LRRTM4: variants seen among roughly 807,000 people sequenced by gnomAD.
LRRTM4 encodes leucine-rich repeat transmembrane neuronal protein 4.
In LRRTM4, 25 loss-of-function variants were observed where a neutral mutation model predicts 47.6. The ratio of observed to expected loss-of-function variants is 0.53; its 90% CI spans 0.38 to 0.73. The LOEUF is 0.73. Among genes scored for constraint, LRRTM4 ranks in the 30% least tolerant of loss-of-function variants. The probability of loss-of-function intolerance (pLI) is 0.00; values close to 1 mark genes in which losing one functional copy is unlikely to be tolerated. For synonymous variants in LRRTM4, 311 were observed against 269.5 expected (o/e 1.15, Z -1.51); for missense variants, 638 against 713.4 (o/e 0.89, Z 1.20).
intron 3 of LRRTM4, among the ~76,000 whole-genome samples, chr2:77,506,091 A>G (rs1050634468): frequency 6.6e-6 from 1 of 151,676 alleles, no homozygotes; most frequent in African/African-American, 2.4e-5. Flanking sequence ...GTAAACTATA[A>G]TAGTGTTTGA....
chr2:77,003,548 T>C (rs976596033), intron 3 of LRRTM4, among the ~76,000 whole-genome samples: 1 of 152,198 alleles, frequency 6.6e-6, no homozygotes, highest in African/African-American at 2.4e-5. Flanking sequence ...CCTGCCGCCA[T>C]GTAAGATGTG....
chr2:76,886,373 A>G (rs1295882518), intron 3 of LRRTM4, among the ~76,000 whole-genome samples: 1 of 152,074 alleles, frequency 6.6e-6, no homozygotes, highest in East Asian at 1.9e-4. Context: ...TGGTGCATAA[A>G]TTTTCTTAAA....
intron 3 of LRRTM4, among the ~76,000 whole-genome samples, chr2:77,395,383 G>A (rs1397538072): frequency 1.3e-5 from 2 of 151,958 alleles, no homozygotes; most frequent in Middle Eastern, 3.2e-3. Flanking sequence ...AATGAGGTAG[G>A]TATTAATGTA....
chr2:77,355,697 C>A (rs1558703936), intron 3 of LRRTM4, among the ~76,000 whole-genome samples: 1 of 152,154 alleles, frequency 6.6e-6, no homozygotes, highest in Non-Finnish European at 1.5e-5. Flanking sequence ...GATAAATAGT[C>A]CATCAAGTGA....
At chr2:77,067,828 G>C (rs911118985) in intron 3 of LRRTM4, among the ~76,000 whole-genome samples, 2 of 151,696 alleles carry the variant, frequency 1.3e-5, no homozygotes, top group Non-Finnish European at 2.9e-5. Flanking sequence ...TCTCTTAGTG[G>C]ATGTAGTCAA....
chr2:76,901,640 G>T (rs971614153), intron 3 of LRRTM4, among the ~76,000 whole-genome samples: 2 of 152,108 alleles, frequency 1.3e-5, no homozygotes, highest in African/African-American at 4.8e-5. Context: ...TCTAGAGAAA[G>T]ATATAAAAGC....
At chr2:77,104,588 A>G (rs999985113) in intron 3 of LRRTM4, among the ~76,000 whole-genome samples, 2 of 152,200 alleles carry the variant, frequency 1.3e-5, no homozygotes, top group African/African-American at 4.8e-5. Flanking sequence ...TGGTGAAAAA[A>G]TACTAAGTGC....
intron 3 of LRRTM4, among the ~76,000 whole-genome samples, chr2:77,212,633 T>C (rs925915927): frequency 6.6e-6 from 1 of 151,644 alleles, no homozygotes; most frequent in Non-Finnish European, 1.5e-5. Flanking sequence ...TTAGATGAAC[T>C]GTCTTACACC....
chr2:77,400,927 C>T (rs7572965), intron 3 of LRRTM4, among the ~76,000 whole-genome samples: 7,972 of 151,942 alleles, frequency 0.052, 315 homozygotes, highest in African/African-American at 0.1. Context: ...TATTTCCTGA[C>T]ATGTGAAAAT....
chr2:77,376,924 A>ATT (rs1672862668), intron 3 of LRRTM4, among the ~76,000 whole-genome samples: 1 of 151,920 alleles, frequency 6.6e-6, no homozygotes, highest in African/African-American at 2.4e-5. Context: ...TAACTACAAG[A>ATT]ACTATTTGTA....
chr2:77,238,995 C>A (rs1053080746), intron 3 of LRRTM4, among the ~76,000 whole-genome samples: 1 of 151,548 alleles, frequency 6.6e-6, no homozygotes, highest in Admixed American at 6.6e-5. Context: ...CTACAAGGTA[C>A]CCACAATTTT....
At chr2:77,331,098 A>G (rs912455523) in intron 3 of LRRTM4, among the ~76,000 whole-genome samples, 1 of 152,192 alleles carries the variant, frequency 6.6e-6, no homozygotes, top group African/African-American at 2.4e-5. Flanking sequence ...GGATCTAGAG[A>G]TGCAAAGAAA....
chr2:77,044,632 T>C (rs1032471478), intron 3 of LRRTM4, among the ~76,000 whole-genome samples: 19 of 151,438 alleles, frequency 1.3e-4, no homozygotes, highest in South Asian at 6.2e-4. Context: ...TTTGGCTATA[T>C]ATATATACAC....
intron 3 of LRRTM4, among the ~76,000 whole-genome samples, chr2:76,887,741 G>T (rs1270773704): frequency 7.0e-6 from 1 of 142,164 alleles, no homozygotes. Flanking sequence ...TATATTAAAA[G>T]TTTAAAAATC....
chr2:76,919,521 T>C (rs1464288880), intron 3 of LRRTM4, among the ~76,000 whole-genome samples: 1 of 152,050 alleles, frequency 6.6e-6, no homozygotes, highest in Non-Finnish European at 1.5e-5. Flanking sequence ...CCTGCAAACT[T>C]TGAACTTGAC....
rs554304016 is a variant in LRRTM4, at chr2:76,929,236, CTTTGT to C, written c.1552-180325_1552-180321del. 4.0e-3 allele frequency among the ~76,000 whole-genome samples: 613 copies of C among 152,208 alleles called. 5 individuals are homozygous for C. Among genetic ancestry groups the C allele is most frequent in the African/African-American group, 0.013 (530 of 41,560 alleles). On this transcript the variant is annotated intron_variant, in intron 3 of 3. Transcript: ENST00000409884. ...GGAAGGAAAGAAGAGGTTTTGTTTGCTTTGTTTTGTTTCTTTGTGGGGTGACATTA... is the reference window on the plus strand; with the variant it reads ...GGAAGGAAAGAAGAGGTTTTGTTTGCTTTGTTTCTTTGTGGGGTGACATTA...
intron 3 of LRRTM4, among the ~76,000 whole-genome samples, chr2:77,021,094 G>GTACC: frequency 7.4e-6 from 1 of 135,574 alleles, no homozygotes; most frequent in East Asian, 2.4e-4. Context: ...AAACTTCTCT[G>GTACC]TATCTATCTA....
At chr2:76,806,442 G>A (rs1239262539) in intron 3 of LRRTM4, among the ~76,000 whole-genome samples, 4 of 152,142 alleles carry the variant, frequency 2.6e-5, no homozygotes, top group East Asian at 3.9e-4. Context: ...TTAGCAGGGC[G>A]TGGTAGCGCA....
intron 3 of LRRTM4, among the ~76,000 whole-genome samples, chr2:76,894,110 T>C (rs1301151651): frequency 6.6e-6 from 1 of 151,910 alleles, no homozygotes; most frequent in Non-Finnish European, 1.5e-5. Context: ...ATATACAGAG[T>C]ACCAGTGGAA....
Sources: gnomAD v4.1 joint callset for allele counts (sites outside exome capture counted in the v4.1 genomes callset) on GRCh38, gnomAD v4.1.1 for gene constraint, MANE v1.5 for transcripts, NCBI Gene and HGNC (gene_info 2026-07-23, HGNC 2026-07-21) for gene names.